Variants in DPP6 observed in about 807,000 individuals in gnomAD.
DPP6 encodes A-type potassium channel modulatory protein DPP6.
Under a neutral mutation model 122.6 loss-of-function variants are expected in DPP6, and 69 were observed. The ratio of observed to expected loss-of-function variants is 0.56; its 90% confidence interval spans 0.46 to 0.69. The LOEUF (loss-of-function observed/expected upper bound fraction) is 0.69. Ranked by LOEUF, DPP6 falls within the 30% of genes least tolerant of loss-of-function variation. DPP6 has a pLI of 0.00. For missense variants in DPP6, 928 were observed against 1,116.9 expected (o/e 0.83, Z 2.41); for synonymous variants, 418 against 433.1 (o/e 0.97, Z 0.43).
intron 5 of DPP6, among the ~76,000 whole-genome samples, chr7:154,589,855 A>G (rs956906575): frequency 1.3e-5 from 2 of 152,222 alleles, no homozygotes; most frequent in Non-Finnish European, 1.5e-5. Context: ...TCGTAACAGC[A>G]TGGTCACCCT....
At chr7:154,702,081 AT>A (rs1391848652) in intron 7 of DPP6, among the ~76,000 whole-genome samples, 2 of 152,124 alleles carry the variant, frequency 1.3e-5, no homozygotes, top group African/African-American at 4.8e-5. Context: ...TATATCTGTT[AT>A]GGTTATCTGG....
chr7:154,885,703 G>A lies in DPP6; in HGVS notation c.2204G>A (p.Cys735Tyr). 6.3e-7 allele frequency: 1 copy of A among 1,599,902 alleles called. No homozygotes were observed. Among genetic ancestry groups the A allele is most frequent in the Non-Finnish European group, 8.5e-7 (1 of 1,173,264 alleles). Residue 735 changes from cysteine to tyrosine, a missense_variant, in exon 22 of 26, where the codon TGC becomes TAC. Coordinates refer to ENST00000377770, the MANE Select transcript of DPP6 (RefSeq NM_130797.4). ...KGENQGQTFT[C>Y]GSALSPITDF... Reference sequence around the variant, plus strand: ...GAAAATCAAGGCCAGACATTCACCTGCGGCTCTGCTCTCTCTCCAATAACA... The same window carrying A: ...GAAAATCAAGGCCAGACATTCACCTACGGCTCTGCTCTCTCTCCAATAACA...
intron 10 of DPP6, among the ~76,000 whole-genome samples, chr7:154,780,603 G>T (rs1796958336): frequency 6.6e-6 from 1 of 152,216 alleles, no homozygotes; most frequent in Non-Finnish European, 1.5e-5. Flanking sequence ...GTTTGCCAAG[G>T]CAGAGTCACT....
intron 1 of DPP6, among the ~76,000 whole-genome samples, chr7:154,297,524 C>T (rs935996075): frequency 6.6e-6 from 1 of 152,216 alleles, no homozygotes; most frequent in African/African-American, 2.4e-5. Context: ...ATTCTCTGCT[C>T]TCTCTTCAGG....
chr7:154,059,933 C>A (rs1203073601), intron 1 of DPP6, among the ~76,000 whole-genome samples: 1 of 152,012 alleles, frequency 6.6e-6, no homozygotes, highest in Non-Finnish European at 1.5e-5. Context: ...TGGGCAAAAC[C>A]TGAACATAAA....
At chr7:154,806,847 G>A in intron 15 of DPP6, 147 bp from the exon 16 acceptor site, 3 of 1,048,872 alleles carry the variant, frequency 2.9e-6, no homozygotes, top group South Asian at 4.0e-5. Context: ...AGGGGCTCCA[G>A]CAGGGAGACA....
At chr7:153,832,327 C>G in the DPP6 span, among the ~76,000 whole-genome samples, 4 of 152,224 alleles carry the variant, frequency 2.6e-5, no homozygotes, top group Non-Finnish European at 5.9e-5. Flanking sequence ...ATGTCAAAAT[C>G]TCCAGCCACG....
At chr7:154,477,832 C>G (rs963069933) in intron 3 of DPP6, among the ~76,000 whole-genome samples, 2 of 152,144 alleles carry the variant, frequency 1.3e-5, no homozygotes, top group African/African-American at 4.8e-5. Flanking sequence ...AATGGACCTG[C>G]CTTTGGTGTT....
At chr7:154,534,082 A>T (rs1438947697) in intron 3 of DPP6, among the ~76,000 whole-genome samples, 1 of 152,156 alleles carries the variant, frequency 6.6e-6, no homozygotes, top group Non-Finnish European at 1.5e-5. Flanking sequence ...TTGGTTTAAC[A>T]TCTGAAAATC....
chr7:154,690,430 G>T (rs993945402), intron 7 of DPP6, among the ~76,000 whole-genome samples: 1 of 152,148 alleles, frequency 6.6e-6, no homozygotes, highest in Non-Finnish European at 1.5e-5. Context: ...ATCTGACTTT[G>T]TAGAAAGCAG....
In DPP6 at chr7:154,669,685, T is replaced by C. The variant is rs181488953; in HGVS notation, c.762+244T>C. On this transcript the variant is annotated intron_variant, in intron 7 of 25. Transcript: ENST00000377770. ...ATGTGCTTGGTTCCTACATCTGACA[T>C]GGTTAAAGTGGTGCCTAACTGTAGC... 6.8e-3 allele frequency among the ~76,000 whole-genome samples: 1,036 copies of C among 152,262 alleles called. 11 individuals carry two copies. Among genetic ancestry groups the C allele is most frequent in the Non-Finnish European group, 0.011 (744 of 68,018 alleles).
At chr7:153,849,263 CAT>C in the DPP6 span, among the ~76,000 whole-genome samples, 2 of 146,626 alleles carry the variant, frequency 1.4e-5, no homozygotes, top group African/African-American at 5.0e-5. Context: ...TTACCAGAGA[CAT>C]ATATGTTTTC....
chr7:154,028,160 T>TA (rs1799040137), intron 1 of DPP6, among the ~76,000 whole-genome samples: 1 of 151,970 alleles, frequency 6.6e-6, no homozygotes, highest in Admixed American at 6.5e-5. Flanking sequence ...GTGGGGTTCT[T>TA]AAAAATGTGA....
At chr7:154,798,658 G>A (rs928756999) in intron 12 of DPP6, among the ~76,000 whole-genome samples, 15 of 152,308 alleles carry the variant, frequency 9.8e-5, no homozygotes, top group African/African-American at 2.9e-4. Context: ...GGGGCATCCC[G>A]CCCATGGCAG....
intron 1 of DPP6, among the ~76,000 whole-genome samples, chr7:153,895,989 C>A (rs534295120): frequency 6.6e-6 from 1 of 152,202 alleles, no homozygotes; most frequent in Non-Finnish European, 1.5e-5. Context: ...CTAGCCAGGC[C>A]GGCCACAAGG....
intron 1 of DPP6, chr7:154,305,335 TACCCACCC>T: frequency 2.0e-6 from 2 of 1,024,742 alleles, no homozygotes; most frequent in Non-Finnish European, 2.4e-6. Context: ...TCGTCTTGTC[TACCCACCC>T]TCCCTCCCCC....
intron 3 of DPP6, among the ~76,000 whole-genome samples, chr7:154,499,797 CAG>C (rs1357229401): frequency 1.3e-5 from 2 of 152,054 alleles, no homozygotes; most frequent in Non-Finnish European, 2.9e-5. Context: ...ACAGATATTT[CAG>C]TATGTGTGTG....
intron 5 of DPP6, among the ~76,000 whole-genome samples, chr7:154,609,553 GA>G (rs1833779354): frequency 6.6e-6 from 1 of 152,098 alleles, no homozygotes; most frequent in Non-Finnish European, 1.5e-5. Flanking sequence ...AGTGTTTCTA[GA>G]TCACTCTGTC....
intron 5 of DPP6, among the ~76,000 whole-genome samples, chr7:154,599,749 C>T (rs1833322589): frequency 1.3e-5 from 2 of 151,906 alleles, no homozygotes; most frequent in African/African-American, 4.8e-5. Context: ...CAATTCCCAC[C>T]TATGACTGAG....
Sources: allele counts gnomAD v4.1 joint callset (sites outside exome capture counted in the v4.1 genomes callset), GRCh38; gene constraint gnomAD v4.1.1; transcripts MANE v1.5; gene names NCBI Gene and HGNC (gene_info 2026-07-23, HGNC 2026-07-21).